Variants in GNL3L observed in about 807,000 individuals in gnomAD.
GNL3L encodes G protein nucleolar 3 like.
GNL3L carries 4 observed loss-of-function variants against 42.9 expected under a neutral mutation model. The ratio of observed to expected loss-of-function variants is 0.09; its 90% CI spans 0.05 to 0.21. The LOEUF (loss-of-function observed/expected upper bound fraction) is 0.21, where lower values mean the gene tolerates loss of function less well. Among genes scored for constraint, GNL3L ranks in the 10% least tolerant of loss-of-function variants. GNL3L has a pLI of 1.00. For missense variants in GNL3L, 412 were observed against 481.7 expected, an observed-to-expected ratio of 0.86 and a Z score of 1.36; for synonymous variants, 159 against 176.3, an observed-to-expected ratio of 0.90 and a Z score of 0.78.
At chrX:54,606,563 AC>A (rs2147529977) in intron 16 of GNL3L, among the ~76,000 whole-genome samples, 1 of 109,638 alleles carries the variant, frequency 9.1e-6, no homozygotes, top group African/African-American at 3.3e-5. Flanking sequence ...GTAACCTCAA[AC>A]CCCTGGGCTG....
chrX:54,570,050 T>C (rs1925521705), downstream of GNL3L, among the ~76,000 whole-genome samples: 1 of 111,872 alleles, frequency 8.9e-6, no homozygotes, highest in African/African-American at 3.2e-5. Context: ...TAGTCTTCTA[T>C]AAATGTCAAC....
chrX:54,535,110 G>A (rs976092425), intron 2 of GNL3L, among the ~76,000 whole-genome samples: 8 of 111,810 alleles, frequency 7.2e-5, no homozygotes, highest in African/African-American at 2.6e-4. Context: ...GATTTCTACC[G>A]TCTTATTTTT....
chrX:54,548,428 C>T (rs1924837822), intron 9 of GNL3L, 55 bp downstream of exon 9: 12 of 989,952 alleles, frequency 1.2e-5, no homozygotes, highest in East Asian at 3.1e-5. Flanking sequence ...GCGGACACTT[C>T]GCTGGGGGAA....
the GNL3L span, among the ~76,000 whole-genome samples, chrX:54,632,296 CT>C: frequency 9.0e-6 from 1 of 111,532 alleles, no homozygotes; most frequent in East Asian, 2.8e-4. Flanking sequence ...CTTTGAGTCT[CT>C]TGTATTTGGA....
At chrX:54,533,396 CAAAA>C (rs1924325448) in intron 2 of GNL3L, among the ~76,000 whole-genome samples, 2 of 107,558 alleles carry the variant, frequency 1.9e-5, no homozygotes, top group Admixed American at 1.0e-4. Context: ...TAAAACAAAA[CAAAA>C]AAAGAAAAGA....
chrX:54,580,353 A>G (rs1925697773), intron 16 of GNL3L, among the ~76,000 whole-genome samples: 1 of 109,628 alleles, frequency 9.1e-6, no homozygotes, highest in Non-Finnish European at 1.9e-5. Flanking sequence ...GCTGCATAGT[A>G]TTCCCGTGGT....
At chrX:54,550,328 G>T (rs1460657216) in intron 9 of GNL3L, among the ~76,000 whole-genome samples, 1 of 110,305 alleles carries the variant, frequency 9.1e-6, no homozygotes, top group Non-Finnish European at 1.9e-5. Context: ...CTTCATGCAC[G>T]AGAGGTATAC....
chrX:54,565,824 G>GTTT lies in GNL3L; in HGVS notation c.*5241_*5243dup, dbSNP rs766645013. 4.0e-4 allele frequency among the ~76,000 whole-genome samples: 27 copies of GTTT among 67,836 alleles called. 3 individuals are homozygous for GTTT. The highest frequency in any genetic ancestry group is 8.2e-4 in the East Asian group (2 of 2,429). The allele number at this position is 67,836 out of a possible 115,157, so 58.9% of individuals were successfully genotyped here. A position where few individuals can be genotyped will look rare whatever the true frequency, so the allele number is the denominator to read the frequency against. On this transcript the variant is annotated 3_prime_UTR_variant, in exon 16 of 16. Coordinates refer to ENST00000360845, the MANE Select transcript of GNL3L (RefSeq NM_001184819.2). ...AGGATTATATGCTGGATACAGGGGT[G>GTTT]TTTTTTTTTTTTTTTTTTTTTGAAA...
chrX:54,631,551 T>C, the GNL3L span, among the ~76,000 whole-genome samples: 1 of 112,036 alleles, frequency 8.9e-6, no homozygotes, highest in Non-Finnish European at 1.9e-5. Context: ...GTTTTTGCTT[T>C]AAAGTCTGTT....
chrX:54,550,731 C>T (rs1924913290), intron 9 of GNL3L, among the ~76,000 whole-genome samples: 2 of 111,373 alleles, frequency 1.8e-5, no homozygotes, highest in African/African-American at 6.5e-5. Context: ...GTTGGTGTCA[C>T]GTCTAGAAAG....
intron 16 of GNL3L, among the ~76,000 whole-genome samples, chrX:54,617,294 C>T (rs1229134680): frequency 1.8e-5 from 2 of 111,919 alleles, no homozygotes; most frequent in African/African-American, 3.2e-5. Flanking sequence ...TCCCCATAAG[C>T]CTTCTCCTTC....
intron 16 of GNL3L, among the ~76,000 whole-genome samples, chrX:54,573,150 C>T (rs1350914959): frequency 4.5e-5 from 5 of 112,043 alleles, no homozygotes; most frequent in East Asian, 2.9e-4. Flanking sequence ...GGGTGGCGGC[C>T]GGGCAGAGGC....
At position 54,540,664 on chromosome X, in the gene GNL3L, A is replaced by G. The variant is rs775891138; in HGVS notation, c.189+422A>G. Reference sequence around the variant, plus strand: ...CTTTTGCCACTTTTTCCCCTTTCTTATCTTTTTTTTTGAGATGGAATTTCA... The same window carrying G: ...CTTTTGCCACTTTTTCCCCTTTCTTGTCTTTTTTTTTGAGATGGAATTTCA... On this transcript the variant is annotated intron_variant, in intron 4 of 15. Coordinates refer to ENST00000360845, the MANE Select transcript of GNL3L (RefSeq NM_001184819.2). Among the ~76,000 whole-genome samples, 3 of 109,443 alleles carry G rather than the reference A, an allele frequency of 2.7e-5. No individual in the cohort carries two copies. In the East Asian group the frequency reaches 8.6e-4, roughly 31 times the overall value.
chrX:54,533,230 A>G (rs6612164), intron 2 of GNL3L, among the ~76,000 whole-genome samples: 38,489 of 108,899 alleles, frequency 0.35, 8,470 homozygotes, highest in African/African-American at 0.8. Context: ...TGTACTAGTG[A>G]TTAAGAGCGT....
chrX:54,597,587 C>T (rs1433332923), intron 16 of GNL3L, among the ~76,000 whole-genome samples: 1 of 111,110 alleles, frequency 9.0e-6, no homozygotes, highest in East Asian at 2.9e-4. Context: ...GCCCCAATCC[C>T]GTGGCCTTGG....
intron 16 of GNL3L, among the ~76,000 whole-genome samples, chrX:54,594,336 A>T (rs1310633655): frequency 9.0e-6 from 1 of 111,265 alleles, no homozygotes; most frequent in Non-Finnish European, 1.9e-5. Context: ...TGCTGAATTG[A>T]CACCTTTATC....
At chrX:54,613,698 C>T (rs768706102) in intron 16 of GNL3L, among the ~76,000 whole-genome samples, 8 of 110,876 alleles carry the variant, frequency 7.2e-5, no homozygotes, top group East Asian at 2.9e-4. Flanking sequence ...AGCTACCCAG[C>T]GAGTCTACCT....
intron 9 of GNL3L, among the ~76,000 whole-genome samples, chrX:54,550,645 G>A (rs1038809709): frequency 8.9e-6 from 1 of 111,759 alleles, no homozygotes; most frequent in Non-Finnish European, 1.9e-5. Flanking sequence ...GACATTTCTC[G>A]ATGTCCACCT....
chrX:54,546,527 T>C (rs1289341254), intron 8 of GNL3L, among the ~76,000 whole-genome samples: 1 of 111,894 alleles, frequency 8.9e-6, no homozygotes, highest in Non-Finnish European at 1.9e-5. Context: ...ACCAGTGGGG[T>C]AGATGAATGT....
Sources: allele counts gnomAD v4.1 joint callset (sites outside exome capture counted in the v4.1 genomes callset), GRCh38; gene constraint gnomAD v4.1.1; transcripts MANE v1.5; gene names NCBI Gene and HGNC (gene_info 2026-07-23, HGNC 2026-07-21).